The following PBX1 variants were observed in gnomAD, a reference collection of about 807,000 sequenced individuals.
PBX1 encodes PBX homeobox 1, also known as pre-B-cell leukemia transcription factor 1.
In PBX1, 6 loss-of-function variants were observed where a neutral mutation model predicts 53.4. That is an observed-to-expected ratio of 0.11 (90% CI 0.06 to 0.22). The LOEUF is 0.22. Among genes scored for constraint, PBX1 ranks in the 10% least tolerant of loss-of-function variants. PBX1 has a pLI of 1.00. For synonymous variants in PBX1, 204 were observed against 212.3 expected (o/e 0.96, Z 0.34); for missense variants, 251 against 551.4 (o/e 0.46, Z 5.46).
downstream of PBX1, among the ~76,000 whole-genome samples, chr1:164,852,817 G>A: frequency 6.6e-6 from 1 of 152,196 alleles, no homozygotes; most frequent in East Asian, 1.9e-4. Context: ...CTAATGTTGA[G>A]TTGGTGAGTG....
intron 2 of PBX1, among the ~76,000 whole-genome samples, chr1:164,590,824 C>T (rs1473236398): frequency 6.6e-6 from 1 of 151,984 alleles, no homozygotes; most frequent in African/African-American, 2.4e-5. Flanking sequence ...TGCATGATTA[C>T]CCTTCCAGAC....
intron 2 of PBX1, among the ~76,000 whole-genome samples, chr1:164,626,642 G>A (rs1658064978): frequency 6.6e-6 from 1 of 152,176 alleles, no homozygotes; most frequent in Non-Finnish European, 1.5e-5. Context: ...GCCAGAGATA[G>A]GCAACTGCTG....
intron 2 of PBX1, among the ~76,000 whole-genome samples, chr1:164,620,769 G>A (rs1321434181): frequency 6.6e-6 from 1 of 151,798 alleles, no homozygotes; most frequent in East Asian, 1.9e-4. Context: ...TGCAACCTCT[G>A]CCTCCCGGGC....
At chr1:164,810,311 T>C (rs1386475172) in intron 5 of PBX1, among the ~76,000 whole-genome samples, 1 of 152,182 alleles carries the variant, frequency 6.6e-6, no homozygotes, top group African/African-American at 2.4e-5. Context: ...GTTGAGTAAT[T>C]AGTTCATTCA....
At chr1:164,734,497 CAT>C in intron 2 of PBX1, among the ~76,000 whole-genome samples, 1 of 152,254 alleles carries the variant, frequency 6.6e-6, no homozygotes, top group East Asian at 1.9e-4. Context: ...AGTTCTAACT[CAT>C]AAAGTTATGG....
intron 8 of PBX1, among the ~76,000 whole-genome samples, chr1:164,823,410 GAA>G (rs1314936274): frequency 1.3e-5 from 2 of 151,320 alleles, no homozygotes; most frequent in African/African-American, 2.4e-5. Flanking sequence ...TTTTTCCAGA[GAA>G]AGCTTTGCTC....
chr1:164,719,332 A>G (rs1182321640), intron 2 of PBX1, among the ~76,000 whole-genome samples: 6 of 152,294 alleles, frequency 3.9e-5, no homozygotes, highest in East Asian at 3.9e-4. Flanking sequence ...TGTAGAGTCA[A>G]TTGTGGAATG....
chr1:164,758,713 T>TC (rs1261489880), intron 2 of PBX1, among the ~76,000 whole-genome samples: 1 of 152,030 alleles, frequency 6.6e-6, no homozygotes, highest in East Asian at 1.9e-4. Context: ...TTTTTTTTTT[T>TC]CCTCATGCTC....
chr1:164,785,122 C>T (rs778347396), intron 2 of PBX1, among the ~76,000 whole-genome samples: 1 of 152,196 alleles, frequency 6.6e-6, no homozygotes, highest in East Asian at 1.9e-4. Flanking sequence ...CATCCAGGGT[C>T]TCCACTTGGG....
At chr1:164,675,266 C>G (rs2101982911) in intron 2 of PBX1, among the ~76,000 whole-genome samples, 1 of 152,266 alleles carries the variant, frequency 6.6e-6, no homozygotes, top group East Asian at 1.9e-4. Flanking sequence ...GATCTTTATT[C>G]TACCTCTGTC....
chr1:164,745,155 A>G (rs1377453749), intron 2 of PBX1, among the ~76,000 whole-genome samples: 1 of 152,176 alleles, frequency 6.6e-6, no homozygotes, highest in African/African-American at 2.4e-5. Flanking sequence ...TTGCCTCTCC[A>G]AGGAAAAATA....
chr1:164,656,440 A>C (rs1249333422), intron 2 of PBX1, among the ~76,000 whole-genome samples: 1 of 152,196 alleles, frequency 6.6e-6, no homozygotes, highest in East Asian at 1.9e-4. Context: ...AATTTAATCC[A>C]TATTTTGAAG....
At chr1:164,669,478 G>A (rs2101968353) in intron 2 of PBX1, among the ~76,000 whole-genome samples, 1 of 152,294 alleles carries the variant, frequency 6.6e-6, no homozygotes, top group South Asian at 2.1e-4. Flanking sequence ...GGTGTTGCAG[G>A]TGAGCAAAAC....
intron 2 of PBX1, among the ~76,000 whole-genome samples, chr1:164,763,314 C>A (rs1435157301): frequency 2.6e-5 from 4 of 152,204 alleles, no homozygotes; most frequent in Non-Finnish European, 4.4e-5. Context: ...AAGTTGACTG[C>A]TAGAGCTCCA....
chr1:164,771,540 T>A (rs1177230864), intron 2 of PBX1: 1 of 151,950 alleles, frequency 6.6e-6, no homozygotes, highest in East Asian at 1.9e-4. Flanking sequence ...TCTTTCTGCT[T>A]TTTCTCTTAA....
chr1:164,707,459 G>A (rs4657371), intron 2 of PBX1, among the ~76,000 whole-genome samples: 2,314 of 90,242 alleles, frequency 0.026, 29 homozygotes, highest in Non-Finnish European at 0.041. Context: ...GAGAGAGAAA[G>A]TGCTGAATCC....
intron 6 of PBX1, among the ~76,000 whole-genome samples, chr1:164,812,413 C>T (rs1669658927): frequency 6.6e-6 from 1 of 152,122 alleles, no homozygotes; most frequent in African/African-American, 2.4e-5. Flanking sequence ...AATTGGTTAG[C>T]TTGAAGAGAC....
chr1:164,876,094 G>C (rs945454573), intron 2 of PBX1, among the ~76,000 whole-genome samples: 1 of 150,352 alleles, frequency 6.7e-6, no homozygotes, highest in Non-Finnish European at 1.5e-5. Flanking sequence ...GGAGGTCAGT[G>C]AACTCAGAAC....
chr1:164,840,627 T>G (rs1159239092), intron 8 of PBX1, among the ~76,000 whole-genome samples: 1 of 152,190 alleles, frequency 6.6e-6, no homozygotes, highest in African/African-American at 2.4e-5. Context: ...GCTGTGGCAC[T>G]GCAACTGTCA....
Sources: gnomAD v4.1 joint callset for allele counts (sites outside exome capture counted in the v4.1 genomes callset) on GRCh38, gnomAD v4.1.1 for gene constraint, MANE v1.5 for transcripts, NCBI Gene and HGNC (gene_info 2026-07-23, HGNC 2026-07-21) for gene names.